Variants in ANO3 observed in about 807,000 individuals in gnomAD.
ANO3 encodes the protein anoctamin 3.
In ANO3, 99 loss-of-function variants were observed where a neutral mutation model predicts 144.8. The observed-to-expected ratio is 0.68, with a 90% CI of 0.58 to 0.81. The LOEUF is 0.81. Ranked by LOEUF, ANO3 falls within the 30% of genes least tolerant of loss-of-function variation. The pLI, the probability that ANO3 is intolerant of heterozygous loss-of-function variation, is 0.00. For synonymous variants in ANO3, 414 were observed against 392.6 expected, an observed-to-expected ratio of 1.05 and a Z score of -0.64; for missense variants, 905 against 1,202.2, an observed-to-expected ratio of 0.75 and a Z score of 3.66.
intron 20 of ANO3, among the ~76,000 whole-genome samples, chr11:26,637,127 A>G (rs4469843): frequency 0.35 from 52,822 of 152,056 alleles, 9,764 homozygotes; most frequent in South Asian, 0.47. Flanking sequence ...TTAGTGCAAG[A>G]CCACCATTAT....
chr11:26,282,617 T>G (rs935482117), intron 1 of ANO3, among the ~76,000 whole-genome samples: 1 of 152,132 alleles, frequency 6.6e-6, no homozygotes, highest in Non-Finnish European at 1.5e-5. Flanking sequence ...GGCCATTTTG[T>G]GTCATTTTTA....
intron 12 of ANO3, among the ~76,000 whole-genome samples, chr11:26,551,948 A>C (rs1222424931): frequency 6.6e-6 from 1 of 151,992 alleles, no homozygotes; most frequent in African/African-American, 2.4e-5. Flanking sequence ...CTAATAAATT[A>C]TTACTTGATA....
intron 23 of ANO3, among the ~76,000 whole-genome samples, chr11:26,645,565 GA>G (rs1431942063): frequency 1.3e-5 from 2 of 151,992 alleles, no homozygotes; most frequent in Non-Finnish European, 2.9e-5. Context: ...TATCTGTAAA[GA>G]CTGAATACAA....
In ANO3 at chr11:26,642,035, G is replaced by GA. The variant is rs764254329; in HGVS notation, c.2275+14dup. On this transcript the variant is annotated splice_region_variant and intron_variant, in intron 22 of 26. Coordinates refer to ENST00000256737, the MANE Select transcript of ANO3 (RefSeq NM_031418.4). Reference sequence around the variant, plus strand: ...GGATGAGTACTTAGAAATGGGTAAGGAAAAAAAATCTGCAGGACTATTTGG... The same window carrying GA: ...GGATGAGTACTTAGAAATGGGTAAGGAAAAAAAAATCTGCAGGACTATTTGG... 10 of 1,603,612 alleles carry GA rather than the reference G, an allele frequency of 6.2e-6. No individual in the cohort carries two copies. The highest frequency in any genetic ancestry group is 6.8e-6 in the Non-Finnish European group (8 of 1,176,228).
intron 1 of ANO3, among the ~76,000 whole-genome samples, chr11:26,199,672 C>A (rs1003417069): frequency 2.0e-5 from 3 of 152,154 alleles, no homozygotes; most frequent in African/African-American, 4.8e-5. Context: ...ACTTAAGGGG[C>A]AAATGCCCAT....
chr11:26,523,366 C>A (rs999096822), intron 6 of ANO3, among the ~76,000 whole-genome samples: 1 of 152,168 alleles, frequency 6.6e-6, no homozygotes, highest in African/African-American at 2.4e-5. Context: ...GAAATAAAAC[C>A]TCTCATATCT....
At chr11:26,598,752 C>A (rs1203769407) in intron 15 of ANO3, 106 bp from the exon 16 acceptor site, 5 of 1,125,028 alleles carry the variant, frequency 4.4e-6, no homozygotes, top group Non-Finnish European at 6.2e-6. Flanking sequence ...ATTGTGAAGA[C>A]TTAATACAAA....
intron 1 of ANO3, among the ~76,000 whole-genome samples, chr11:26,237,694 G>A (rs2133808222): frequency 6.6e-6 from 1 of 152,000 alleles, no homozygotes; most frequent in East Asian, 1.9e-4. Context: ...TTTCAGGGTA[G>A]GTAAAAATTT....
At position 26,493,880 on chromosome 11, in the gene ANO3, C is replaced by T. The variant is rs536009979; in HGVS notation, c.433-14224C>T. 2.0e-5 allele frequency among the ~76,000 whole-genome samples: 3 copies of T among 152,286 alleles called. No individual in the cohort carries two copies. The East Asian group carries it at 5.8e-4, about 29-fold the overall frequency. On this transcript the variant is annotated intron_variant, in intron 4 of 26. Coordinates refer to ENST00000256737, the MANE Select transcript of ANO3 (RefSeq NM_031418.4). The stretch of plus-strand genomic sequence containing the variant: ...CCTTCTTCTCTTTCCACCGTGAAAA[C>T]TCTAAATACCTTCTTTCAAGCCTGG...
chr11:26,432,490 T>C (rs1412162378), intron 1 of ANO3, among the ~76,000 whole-genome samples: 2 of 152,202 alleles, frequency 1.3e-5, no homozygotes, highest in African/African-American at 4.8e-5. Context: ...CCTATGTACA[T>C]AATGGTATTG....
At chr11:26,344,367 T>G (rs1469651987) in intron 1 of ANO3, among the ~76,000 whole-genome samples, 2 of 28,474 alleles carry the variant, frequency 7.0e-5, no homozygotes, top group Non-Finnish European at 7.0e-5. Flanking sequence ...AAAAATATTG[T>G]CTTTTTTTTT....
chr11:26,273,274 G>A (rs1454746069), intron 1 of ANO3, among the ~76,000 whole-genome samples: 2 of 146,828 alleles, frequency 1.4e-5, no homozygotes, highest in South Asian at 4.3e-4. Context: ...ACCAGCCAGA[G>A]CCCCCATGAG....
chr11:26,594,305 G>C (rs1851543496), intron 14 of ANO3, among the ~76,000 whole-genome samples: 1 of 152,158 alleles, frequency 6.6e-6, no homozygotes. Flanking sequence ...TTCCTCTGTT[G>C]TCATCCTATC....
intron 1 of ANO3, among the ~76,000 whole-genome samples, chr11:26,391,330 A>G (rs907975793): frequency 1.3e-5 from 2 of 152,046 alleles, no homozygotes; most frequent in African/African-American, 4.8e-5. Flanking sequence ...TTAACTCATT[A>G]ACCCACTAAT....
rs115125183 is a variant in ANO3 at position 26,614,919 on chromosome 11, G to T, written c.1837-9543G>T. Among the ~76,000 whole-genome samples, 642 of 151,994 alleles carry T rather than the reference G, an allele frequency of 4.2e-3. 9 individuals carry two copies. The highest frequency in any genetic ancestry group is 0.015 in the African/African-American group (626 of 41,452). On this transcript the variant is annotated intron_variant, in intron 17 of 26. Transcript: ENST00000256737. ...AATATAGTTGTTTATTTGTTGTTTT[G>T]GTTCCTTTTTGTTGGGGAGGGACGA...
chr11:26,444,360 A>G lies in ANO3; in HGVS notation c.313+524A>G, dbSNP rs148719856. Among the ~76,000 whole-genome samples the G allele has an allele frequency of 4.7e-3, 719 of 152,264 alleles. 2 individuals carry two copies. The highest frequency in any genetic ancestry group is 0.016 in the African/African-American group (662 of 41,548). On this transcript the variant is annotated intron_variant, in intron 3 of 26. Coordinates refer to ENST00000256737, the MANE Select transcript of ANO3 (RefSeq NM_031418.4). ...AACAATTCTTTTGAATTGGGTTTTCATTTTCATGAATTAAATAGAAATAAA... is the reference window on the plus strand; with the variant it reads ...AACAATTCTTTTGAATTGGGTTTTCGTTTTCATGAATTAAATAGAAATAAA...
chr11:26,251,789 C>T (rs1014041492), intron 1 of ANO3, among the ~76,000 whole-genome samples: 1 of 152,068 alleles, frequency 6.6e-6, no homozygotes, highest in African/African-American at 2.4e-5. Context: ...TGAGAAAGAG[C>T]GAGGAAGTGC....
chr11:26,655,194 A>T (rs181888255), intron 24 of ANO3, among the ~76,000 whole-genome samples: 1 of 152,162 alleles, frequency 6.6e-6, no homozygotes, highest in Admixed American at 6.5e-5. Flanking sequence ...TCATGAGAAA[A>T]CATCCAGGCA....
intron 1 of ANO3, among the ~76,000 whole-genome samples, chr11:26,198,941 G>C (rs1374918146): frequency 2.0e-5 from 3 of 152,138 alleles, no homozygotes; most frequent in Non-Finnish European, 4.4e-5. Flanking sequence ...CAGTTTTTGT[G>C]GATGGCAGCA....
Sources: gnomAD v4.1 joint callset for allele counts (sites outside exome capture counted in the v4.1 genomes callset) on GRCh38, gnomAD v4.1.1 for gene constraint, MANE v1.5 for transcripts, NCBI Gene and HGNC (gene_info 2026-07-23, HGNC 2026-07-21) for gene names.